XIAP: variants seen among roughly 807,000 people sequenced by gnomAD.
XIAP encodes the protein X-linked inhibitor of apoptosis.
Under a neutral mutation model 33.1 loss-of-function variants are expected in XIAP, and 3 were observed. The ratio of observed to expected loss-of-function variants is 0.09; its 90% CI spans 0.04 to 0.23. XIAP has a LOEUF of 0.23. Among genes scored for constraint, XIAP ranks in the 10% least tolerant of loss-of-function variants. XIAP has a pLI of 1.00. For synonymous variants in XIAP, 98 were observed against 121.3 expected, an observed-to-expected ratio of 0.81 and a Z score of 1.26; for missense variants, 264 against 363.0, an observed-to-expected ratio of 0.73 and a Z score of 2.22.
At position 123,911,056 on chromosome X, in the gene XIAP, C is replaced by T. The variant is rs1382205601; in HGVS notation, c.*3875C>T. 2 of 328,735 alleles carry T rather than the reference C, an allele frequency of 6.1e-6. No homozygotes were observed. Among genetic ancestry groups the T allele is most frequent in the Non-Finnish European group, 1.2e-5 (2 of 169,812 alleles). The allele number at this position is 328,735 out of a possible 1,213,427, so 27.1% of individuals were successfully genotyped here. On this transcript the variant is annotated 3_prime_UTR_variant, in exon 7 of 7. Coordinates refer to ENST00000371199, the MANE Select transcript of XIAP (RefSeq NM_001167.4). ...AAGTTCCTGCTGTAAATATGAACTC[C>T]CATCCTAATACCCTTTTACCTCTCT...
At chrX:123,888,990 C>T (rs185789910) in intron 3 of XIAP, among the ~76,000 whole-genome samples, 1 of 110,220 alleles carries the variant, frequency 9.1e-6, no homozygotes, top group East Asian at 2.8e-4. Context: ...GCAATCTTGG[C>T]TCACTGCAAC....
chrX:123,880,411 C>CA (rs1427854524), intron 1 of XIAP, among the ~76,000 whole-genome samples: 796 of 70,130 alleles, frequency 0.011, 21 homozygotes, highest in Admixed American at 0.082. Flanking sequence ...AACTCTGTCT[C>CA]AAAAAAAAAA....
At chrX:123,862,081 TTAA>T (rs1361994950) in intron 1 of XIAP, among the ~76,000 whole-genome samples, 1 of 110,504 alleles carries the variant, frequency 9.0e-6, no homozygotes, top group African/African-American at 3.3e-5. Context: ...AATTAATTAA[TTAA>T]TTTTTTTTTT....
At chrX:123,894,910 C>G (rs1477158269) in intron 5 of XIAP, among the ~76,000 whole-genome samples, 1 of 109,976 alleles carries the variant, frequency 9.1e-6, no homozygotes, top group Non-Finnish European at 1.9e-5. Flanking sequence ...TGCTACTGCA[C>G]TCCAGCCTGG....
At chrX:123,873,507 G>A (rs895565900) in intron 1 of XIAP, among the ~76,000 whole-genome samples, 4 of 107,242 alleles carry the variant, frequency 3.7e-5, no homozygotes, top group Non-Finnish European at 5.8e-5. Flanking sequence ...CCTGATGATC[G>A]CCAGGCACGG....
chrX:123,893,730 A>G (rs1463411315), intron 5 of XIAP, among the ~76,000 whole-genome samples: 1 of 110,760 alleles, frequency 9.0e-6, no homozygotes, highest in African/African-American at 3.3e-5. Flanking sequence ...AATTCCAGCT[A>G]CTCGGGAGGC....
At chrX:123,884,480 T>C (rs2053334056) in intron 1 of XIAP, among the ~76,000 whole-genome samples, 1 of 63,947 alleles carries the variant, frequency 1.6e-5, no homozygotes, top group Non-Finnish European at 3.0e-5. Flanking sequence ...CAAAACTCCA[T>C]CTCAAAAAAA....
chrX:123,885,513 C>T, intron 1 of XIAP, 118 bp from the exon 2 acceptor site: 1 of 537,501 alleles, frequency 1.9e-6, no homozygotes, highest in Non-Finnish European at 3.0e-6. Context: ...TAGAATGTTT[C>T]TTAGCGGTCG....
Position 123,911,066 on chromosome X carries a change from A to T in XIAP, c.*3885A>T, listed in dbSNP as rs948842423. On this transcript the variant is annotated 3_prime_UTR_variant, in exon 7 of 7. Transcript: ENST00000371199. Reference sequence around the variant, plus strand: ...TGTAAATATGAACTCCCATCCTAATACCCTTTTACCTCTCTGTGGGTTTGT... The same window carrying T: ...TGTAAATATGAACTCCCATCCTAATTCCCTTTTACCTCTCTGTGGGTTTGT... 3 of 325,998 alleles carry T rather than the reference A, an allele frequency of 9.2e-6. No individual in the cohort carries two copies. Among genetic ancestry groups the T allele is most frequent in the Non-Finnish European group, 1.2e-5 (2 of 169,370 alleles). 26.9% of individuals were successfully genotyped at this position (325,998 alleles called of 1,213,427 possible). A position where few individuals can be genotyped will look rare whatever the true frequency, so the allele number is the denominator to read the frequency against.
chrX:123,886,865 A>G (rs1210652237), intron 2 of XIAP, among the ~76,000 whole-genome samples: 1 of 111,643 alleles, frequency 9.0e-6, no homozygotes, highest in Non-Finnish European at 1.9e-5. Context: ...TTGAGCACTT[A>G]CTATAAGTGC....
At chrX:123,867,361 CTT>C (rs752438708) in intron 1 of XIAP, among the ~76,000 whole-genome samples, 7 of 86,034 alleles carry the variant, frequency 8.1e-5, no homozygotes, top group Non-Finnish European at 4.6e-5. Context: ...GCCCAGCAGT[CTT>C]TTTTTTTTTT....
chrX:123,895,763 CTT>C (rs202012632), intron 5 of XIAP, among the ~76,000 whole-genome samples: 10 of 98,482 alleles, frequency 1.0e-4, no homozygotes, highest in African/African-American at 7.3e-5. Context: ...TCTCCTTTGA[CTT>C]TTTTTTTTTT....
intron 5 of XIAP, 53 bp from the exon 6 acceptor site, chrX:123,900,440 G>A: frequency 9.4e-7 from 1 of 1,059,093 alleles, no homozygotes; most frequent in Non-Finnish European, 1.3e-6. Context: ...TTGTGATAAT[G>A]AAAATAATTG....
At chrX:123,875,937 C>T (rs745787005) in intron 1 of XIAP, among the ~76,000 whole-genome samples, 24 of 112,295 alleles carry the variant, frequency 2.1e-4, no homozygotes, top group Non-Finnish European at 3.0e-4. Flanking sequence ...CCACCCACCT[C>T]GGCCTCCCAA....
At position 123,911,283 on chromosome X, in the gene XIAP, G is replaced by A. The variant is rs1478877948; in HGVS notation, c.*4102G>A. The A allele has an allele frequency of 3.2e-6, 1 of 310,682 alleles. No homozygotes were observed. The highest frequency in any genetic ancestry group is 3.3e-5 in the Admixed American group (1 of 29,925). The allele number at this position is 310,682 out of a possible 1,213,427, so 25.6% of individuals were successfully genotyped here. On this transcript the variant is annotated 3_prime_UTR_variant, in exon 7 of 7. Transcript: ENST00000371199. ...ACCTGAGGTCGGGAGGTCGAGACCA[G>A]CCTGACCAACATGGAGAAACCCCGT...
At chrX:123,902,190 T>C (rs2053519874) in intron 6 of XIAP, among the ~76,000 whole-genome samples, 1 of 111,982 alleles carries the variant, frequency 8.9e-6, no homozygotes, top group Non-Finnish European at 1.9e-5. Flanking sequence ...CAGGTTGTAA[T>C]AGGAAGAGAT....
At chrX:123,888,810 A>G in intron 3 of XIAP, 92 bp downstream of exon 3, 1 of 779,681 alleles carries the variant, frequency 1.3e-6, no homozygotes, top group Admixed American at 2.6e-5. Flanking sequence ...TTTTGCCTTC[A>G]CTATGGCTTG....
At chrX:123,896,529 T>C (rs60471460) in intron 5 of XIAP, among the ~76,000 whole-genome samples, 21,013 of 110,079 alleles carry the variant, frequency 0.19, 1,472 homozygotes, top group South Asian at 0.38. Flanking sequence ...ATATAAAAGT[T>C]CCTGTCAGAT....
intron 1 of XIAP, among the ~76,000 whole-genome samples, chrX:123,885,181 A>G (rs1296534793): frequency 8.9e-6 from 1 of 111,976 alleles, no homozygotes; most frequent in Non-Finnish European, 1.9e-5. Flanking sequence ...TAATTCATTA[A>G]CATTCTGAAC....
Sources: gnomAD v4.1 joint callset for allele counts (sites outside exome capture counted in the v4.1 genomes callset) on GRCh38, gnomAD v4.1.1 for gene constraint, MANE v1.5 for transcripts, NCBI Gene and HGNC (gene_info 2026-07-23, HGNC 2026-07-21) for gene names.